The following MIGA2 variants were observed in gnomAD, a reference collection of about 807,000 sequenced individuals.
MIGA2 encodes mitoguardin 2.
MIGA2 carries 36 observed loss-of-function variants against 69.9 expected under a neutral mutation model. The observed-to-expected ratio is 0.52, with a 90% CI of 0.39 to 0.68. The LOEUF (loss-of-function observed/expected upper bound fraction) is 0.68, where lower values mean the gene tolerates loss of function less well. Ranked by LOEUF, MIGA2 falls within the 30% of genes least tolerant of loss-of-function variation. The pLI is 0.00. For missense variants in MIGA2, 660 were observed against 787.7 expected (o/e 0.84, Z 1.94); for synonymous variants, 333 against 349.2 (o/e 0.95, Z 0.52).
intron 11 of MIGA2, among the ~76,000 whole-genome samples, chr9:129,066,485 T>C (rs1347969647): frequency 1.3e-5 from 2 of 151,678 alleles, no homozygotes; most frequent in East Asian, 1.9e-4. Context: ...CCATCCTGGC[T>C]AGCACAGTGA....
chr9:129,043,384 C>CTTTTTT (rs60096838), intron 3 of MIGA2, among the ~76,000 whole-genome samples: 2 of 128,350 alleles, frequency 1.6e-5, no homozygotes, highest in Non-Finnish European at 1.6e-5. Flanking sequence ...TCTGTTCTCT[C>CTTTTTT]TTTTTTTTTT....
intron 3 of MIGA2, chr9:129,047,166 G>C (rs1845271572): frequency 6.6e-6 from 1 of 151,310 alleles, no homozygotes; most frequent in Non-Finnish European, 1.5e-5. Flanking sequence ...TGCAACCTCT[G>C]CCTCCCGGGT....
rs1456279848 is a variant in MIGA2 at position 129,040,655 on chromosome 9, G to A, written c.61G>A (p.Glu21Lys). The A allele has an allele frequency of 3.1e-6, 5 of 1,613,936 alleles. No homozygotes were observed. Among genetic ancestry groups the A allele is most frequent in the Middle Eastern group, 1.7e-4 (1 of 6,054 alleles). Residue 21 changes from glutamate to lysine, a missense_variant, in exon 2 of 16, where the codon GAG becomes AAG. Glu to Lys is a moderately conservative substitution (Grantham distance 56). Around this residue, in one of 3 missense-constraint regions of MIGA2, gnomAD observed 54 missense variants for 84.0 expected, o/e 0.64. Transcript: ENST00000684074. ...CCAGGCCCTGGCCATGACGGTGGCC[G>A]AGATCCCCGTGTTCCTGTACACGAC... is the stretch of plus-strand genomic sequence containing the variant. ...MIQALAMTVA[E>K]IPVFLYTTFG...
In MIGA2 at chr9:129,070,791, TGAA is replaced by T; in HGVS notation, c.*340_*342del. 1 of 339,720 alleles carries T rather than the reference TGAA, an allele frequency of 2.9e-6. No individual in the cohort carries two copies. The allele number at this position is 339,720 out of a possible 1,614,324, so 21.0% of individuals were successfully genotyped here. ...GACAAGGGTGCTGGGAGGGTGGAGG[TGAA>T]GGATGGGGCCTAGAGCCCTGTGGTG... On this transcript the variant is annotated 3_prime_UTR_variant, in exon 16 of 16. Coordinates refer to ENST00000684074, the MANE Select transcript of MIGA2 (RefSeq NM_001329990.2).
intron 1 of MIGA2, among the ~76,000 whole-genome samples, chr9:129,038,842 C>T (rs2131334560): frequency 7.8e-6 from 1 of 129,000 alleles, no homozygotes; most frequent in South Asian, 2.6e-4. Context: ...GTCACCCAGA[C>T]TGAAGTGCAG....
intron 6 of MIGA2, among the ~76,000 whole-genome samples, chr9:129,053,215 G>C (rs113306603): frequency 6.6e-6 from 1 of 152,196 alleles, no homozygotes; most frequent in African/African-American, 2.4e-5. Flanking sequence ...TTCAGGCCTG[G>C]TCCATAGTAG....
In MIGA2 at chr9:129,060,710, C is replaced by G; in HGVS notation, c.894+60C>G. 7.3e-7 allele frequency: 1 copy of G among 1,378,486 alleles called. No individual in the cohort carries two copies. Among genetic ancestry groups the G allele is most frequent in the Non-Finnish European group, 1.0e-6 (1 of 996,458 alleles). The allele number at this position is 1,378,486 out of a possible 1,614,324, so 85.4% of individuals were successfully genotyped here. Reference sequence around the variant, plus strand: ...TGAAGGCTGGGCCTCCTCTGCAGGTCCATGGGGCCAGCACTGGGTCATGGG... The same window carrying G: ...TGAAGGCTGGGCCTCCTCTGCAGGTGCATGGGGCCAGCACTGGGTCATGGG... On this transcript the variant is annotated intron_variant, in intron 8 of 15. Coordinates refer to ENST00000684074, the MANE Select transcript of MIGA2 (RefSeq NM_001329990.2). This position sits in a 1 kb window ranked among gnomAD's most constrained non-coding sequence, Gnocchi z 4.8.
At chr9:129,037,854 C>A (rs1844675220) in intron 1 of MIGA2, among the ~76,000 whole-genome samples, 1 of 152,172 alleles carries the variant, frequency 6.6e-6, no homozygotes, top group African/African-American at 2.4e-5. Context: ...TCCCCCAGAG[C>A]TTGGCCGCTT....
At chr9:129,048,618 T>C (rs1432521319) in intron 4 of MIGA2, 79 bp downstream of exon 4, 1 of 1,077,138 alleles carries the variant, frequency 9.3e-7, no homozygotes, top group Non-Finnish European at 1.4e-6. Flanking sequence ...AGCAAGCTTA[T>C]AGACTGGTAG....
At position 129,071,432 on chromosome 9, in the gene MIGA2, C is replaced by A. The variant is rs1846673016; in HGVS notation, c.*979C>A. ...GAGAGTCCTGTTAGCAGCGACGTCCCCCCGCCGCGGGGTCCTGTCAGCCCG... is the reference window on the plus strand; with the variant it reads ...GAGAGTCCTGTTAGCAGCGACGTCCACCCGCCGCGGGGTCCTGTCAGCCCG... On this transcript the variant is annotated 3_prime_UTR_variant, in exon 16 of 16. Coordinates refer to ENST00000684074, the MANE Select transcript of MIGA2 (RefSeq NM_001329990.2). The A allele has an allele frequency of 1.3e-5, 2 of 152,304 alleles. No individual in the cohort carries two copies. Among genetic ancestry groups the A allele is most frequent in the Non-Finnish European group, 2.9e-5 (2 of 68,120 alleles). The allele number at this position is 152,304 out of a possible 1,614,324, so 9.4% of individuals were successfully genotyped here.
At chr9:129,064,506 CTTT>C (rs71383628) in intron 11 of MIGA2, among the ~76,000 whole-genome samples, 1 of 140,736 alleles carries the variant, frequency 7.1e-6, no homozygotes, top group Non-Finnish European at 1.6e-5. Flanking sequence ...CGTGCCTGGC[CTTT>C]TTTTTTTTTT....
intron 11 of MIGA2, among the ~76,000 whole-genome samples, chr9:129,065,513 C>A (rs1483398237): frequency 6.6e-6 from 1 of 151,938 alleles, no homozygotes; most frequent in Non-Finnish European, 1.5e-5. Context: ...CCACACCCAG[C>A]TAATTTTTGT....
intron 3 of MIGA2, among the ~76,000 whole-genome samples, chr9:129,044,440 T>C (rs943149644): frequency 2.0e-5 from 3 of 152,200 alleles, no homozygotes; most frequent in Non-Finnish European, 4.4e-5. Context: ...TTGTGGCTGC[T>C]GCTGTGGTTG....
intron 6 of MIGA2, among the ~76,000 whole-genome samples, chr9:129,054,875 G>A (rs1845714718): frequency 6.6e-6 from 1 of 152,068 alleles, no homozygotes; most frequent in Non-Finnish European, 1.5e-5. Flanking sequence ...GAAATTGCGG[G>A]GATCACATGA....
rs1323135921 is a variant in MIGA2, at chr9:129,042,419, GGAA to G, written c.217_219del (p.Lys73del). On this transcript the variant is annotated inframe_deletion, in exon 3 of 16. Coordinates refer to ENST00000684074, the MANE Select transcript of MIGA2 (RefSeq NM_001329990.2). ...CACCAGCTGAAGAGGCGACGGAGGA[GGAA>G]GAAGCAGGTTGGTCCCGAGATGGGA... 1 of 1,613,472 alleles carries G rather than the reference GGAA, an allele frequency of 6.2e-7. No homozygotes were observed. Among genetic ancestry groups the G allele is most frequent in the Non-Finnish European group, 8.5e-7 (1 of 1,179,910 alleles).
intron 3 of MIGA2, among the ~76,000 whole-genome samples, chr9:129,046,418 G>A (rs1845226059): frequency 6.6e-6 from 1 of 151,700 alleles, no homozygotes; most frequent in South Asian, 2.1e-4. Flanking sequence ...GAGCCCAGGA[G>A]TTTGAGACCA....
intron 2 of MIGA2, 200 bp from the exon 3 acceptor site, chr9:129,042,104 C>CT: frequency 1.7e-6 from 1 of 604,506 alleles, no homozygotes; most frequent in Non-Finnish European, 3.0e-6. Context: ...ATCTTGCCAT[C>CT]TTTATGTTTT....
In MIGA2 at chr9:129,068,935, A is replaced by C. The variant is rs758890315; in HGVS notation, c.1405-141A>C. ...GTCCAAAATCAGAGGAGGAAGCAGCAGAGCTTAGGCACCTGGCCCCATCTT... is the reference window on the plus strand; with the variant it reads ...GTCCAAAATCAGAGGAGGAAGCAGCCGAGCTTAGGCACCTGGCCCCATCTT... On this transcript the variant is annotated intron_variant, in intron 13 of 15. Transcript: ENST00000684074. This position sits in a 1 kb window ranked among gnomAD's most constrained non-coding sequence, Gnocchi z 4.1. The C allele has an allele frequency of 4.6e-6, 4 of 873,392 alleles. No homozygotes were observed. The highest frequency in any genetic ancestry group is 7.6e-6 in the Non-Finnish European group (4 of 528,880). 54.1% of individuals were successfully genotyped at this position (873,392 alleles called of 1,614,324 possible). A position where few individuals can be genotyped will look rare whatever the true frequency, so the allele number is the denominator to read the frequency against.
At chr9:129,063,694 C>T in intron 11 of MIGA2, 63 bp downstream of exon 11, 2 of 1,543,446 alleles carry the variant, frequency 1.3e-6, no homozygotes, top group African/African-American at 1.4e-5. Context: ...TCCCCCTGAA[C>T]CCCACCTGCC....
Sources: gnomAD v4.1 joint callset for allele counts (sites outside exome capture counted in the v4.1 genomes callset) on GRCh38, gnomAD v4.1.1 for gene constraint, gnomAD v4.1.1 regional missense constraint, Gnocchi (gnomAD v3.1) non-coding constraint, MANE v1.5 for transcripts, NCBI Gene and HGNC (gene_info 2026-07-23, HGNC 2026-07-21) for gene names.